PTPRD: variants seen among roughly 807,000 people sequenced by gnomAD.
The protein encoded by PTPRD is protein tyrosine phosphatase receptor type D, also known as receptor-type tyrosine-protein phosphatase delta.
In PTPRD, 34 loss-of-function variants were observed where a neutral mutation model predicts 214.5. The observed-to-expected ratio is 0.16, with a 90% CI of 0.12 to 0.21. The LOEUF (loss-of-function observed/expected upper bound fraction) is 0.21, where lower values mean the gene tolerates loss of function less well. Ranked by LOEUF, PTPRD falls within the 10% of genes least tolerant of loss-of-function variation. PTPRD has a pLI of 1.00. For missense variants in PTPRD, 2,545 were observed against 2,398.7 expected, an observed-to-expected ratio of 1.06 and a Z score of -1.27; for synonymous variants, 1,128 against 845.7, an observed-to-expected ratio of 1.33 and a Z score of -5.79.
chr9:9,615,534 C>A (rs1232325995), intron 7 of PTPRD, among the ~76,000 whole-genome samples: 1 of 152,174 alleles, frequency 6.6e-6, no homozygotes, highest in Non-Finnish European at 1.5e-5. Flanking sequence ...TTCCTTCTAT[C>A]TTATAGCTAC....
At chr9:8,557,921 T>C (rs1294043406) in intron 14 of PTPRD, among the ~76,000 whole-genome samples, 1 of 151,262 alleles carries the variant, frequency 6.6e-6, no homozygotes, top group Non-Finnish European at 1.5e-5. Flanking sequence ...ATTTTCTACT[T>C]ACTTAAGTTT....
At chr9:10,499,634 T>C (rs552961416) in intron 2 of PTPRD, among the ~76,000 whole-genome samples, 1 of 151,906 alleles carries the variant, frequency 6.6e-6, no homozygotes, top group Non-Finnish European at 1.5e-5. Flanking sequence ...TCTAAATTTA[T>C]GCACAAGCCA....
intron 10 of PTPRD, among the ~76,000 whole-genome samples, chr9:9,057,350 T>C (rs571681288): frequency 1.3e-5 from 2 of 152,206 alleles, no homozygotes; most frequent in African/African-American, 4.8e-5. Context: ...TTGGAGAATA[T>C]CCAATTCAAT....
intron 3 of PTPRD, among the ~76,000 whole-genome samples, chr9:10,048,398 T>G (rs1164985074): frequency 2.0e-5 from 3 of 152,138 alleles, no homozygotes; most frequent in Non-Finnish European, 2.9e-5. Flanking sequence ...ACCTTCAACT[T>G]CGGTGTAAAT....
chr9:10,466,085 C>T (rs968309756), intron 2 of PTPRD, among the ~76,000 whole-genome samples: 1 of 152,108 alleles, frequency 6.6e-6, no homozygotes, highest in Non-Finnish European at 1.5e-5. Context: ...TACTGTGATG[C>T]CTCTTGCCTA....
intron 9 of PTPRD, among the ~76,000 whole-genome samples, chr9:9,366,323 T>A (rs186892873): frequency 2.6e-5 from 4 of 151,584 alleles, no homozygotes; most frequent in African/African-American, 9.7e-5. Flanking sequence ...CTTTGAAAAG[T>A]ATTGATTTTG....
At chr9:9,670,963 GA>G (rs1209878606) in intron 7 of PTPRD, among the ~76,000 whole-genome samples, 1 of 152,190 alleles carries the variant, frequency 6.6e-6, no homozygotes, top group African/African-American at 2.4e-5. Flanking sequence ...GTAGTAAGAA[GA>G]GTAAGAAGAG....
intron 35 of PTPRD, among the ~76,000 whole-genome samples, chr9:8,435,914 A>G (rs1327677083): frequency 2.0e-5 from 3 of 152,224 alleles, no homozygotes; most frequent in Admixed American, 6.5e-5. Flanking sequence ...GAAGGATAAG[A>G]TAATATACAC....
intron 14 of PTPRD, among the ~76,000 whole-genome samples, chr9:8,576,631 CAAAAA>C (rs71317371): frequency 0.012 from 1,403 of 115,998 alleles, 32 homozygotes; most frequent in African/African-American, 0.042. Context: ...GCTAATGCAG[CAAAAA>C]AAAAAAAAAA....
intron 5 of PTPRD, among the ~76,000 whole-genome samples, chr9:9,770,367 A>G (rs2098742485): frequency 2.6e-5 from 4 of 152,234 alleles, no homozygotes; most frequent in Admixed American, 2.0e-4. Flanking sequence ...GTCACTTTTA[A>G]GAAAAATACG....
At chr9:9,605,251 T>C (rs1183836072) in intron 7 of PTPRD, among the ~76,000 whole-genome samples, 2 of 152,062 alleles carry the variant, frequency 1.3e-5, no homozygotes, top group East Asian at 1.9e-4. Context: ...AACGATTCAG[T>C]GTACCTAATA....
chr9:10,338,553 A>G (rs2096884071), intron 3 of PTPRD, among the ~76,000 whole-genome samples: 1 of 151,732 alleles, frequency 6.6e-6, no homozygotes, highest in African/African-American at 2.4e-5. Context: ...ACATCTATAG[A>G]TAAAGGTGTA....
intron 11 of PTPRD, among the ~76,000 whole-genome samples, chr9:8,851,220 T>C (rs1426777156): frequency 6.7e-6 from 1 of 149,212 alleles, no homozygotes; most frequent in African/African-American, 2.5e-5. Flanking sequence ...AAAAAGGCAC[T>C]TATTCTGCTT....
intron 11 of PTPRD, among the ~76,000 whole-genome samples, chr9:8,977,665 A>ATTTT (rs34223430): frequency 1.4e-5 from 2 of 141,586 alleles, no homozygotes; most frequent in Non-Finnish European, 3.0e-5. Context: ...AACAAGGAGA[A>ATTTT]TTTTTTTTTT....
At chr9:8,929,781 G>A (rs1298183037) in intron 11 of PTPRD, among the ~76,000 whole-genome samples, 2 of 39,992 alleles carry the variant, frequency 5.0e-5, no homozygotes, top group African/African-American at 1.9e-4. Context: ...ATATATATGG[G>A]TGTGTATATA....
chr9:8,338,050 G>T (rs1350748931), intron 43 of PTPRD, among the ~76,000 whole-genome samples: 1 of 151,956 alleles, frequency 6.6e-6, no homozygotes, highest in Non-Finnish European at 1.5e-5. Context: ...CAACAGCCAG[G>T]GCCAGGCTTT....
chr9:8,329,583 G>T (rs750701628), intron 44 of PTPRD, among the ~76,000 whole-genome samples: 5 of 152,096 alleles, frequency 3.3e-5, no homozygotes, highest in Non-Finnish European at 7.3e-5. Context: ...CTGCCAGGTG[G>T]GGATGTTTAC....
chr9:8,749,684 A>G (rs2154460357), intron 11 of PTPRD, among the ~76,000 whole-genome samples: 1 of 152,352 alleles, frequency 6.6e-6, no homozygotes, highest in Admixed American at 6.5e-5. Context: ...ATTAAAGTAG[A>G]ATAACTTTAC....
chr9:8,501,530 T>A (rs1189009150), intron 23 of PTPRD, among the ~76,000 whole-genome samples: 2 of 152,222 alleles, frequency 1.3e-5, no homozygotes, highest in African/African-American at 2.4e-5. Flanking sequence ...CATACAGTAC[T>A]CATTTGTGAA....
Sources: allele counts gnomAD v4.1 joint callset (sites outside exome capture counted in the v4.1 genomes callset), GRCh38; gene constraint gnomAD v4.1.1; transcripts MANE v1.5; gene names NCBI Gene and HGNC (gene_info 2026-07-23, HGNC 2026-07-21).